Variants in GALNTL6 observed in about 807,000 individuals in gnomAD.
GALNTL6 encodes polypeptide N-acetylgalactosaminyltransferase like 6.
A neutral mutation model predicts 73.7 loss-of-function variants in GALNTL6; 46 were observed. The observed-to-expected ratio is 0.62, with a 90% CI of 0.49 to 0.80. GALNTL6 has a LOEUF of 0.80. Ranked by LOEUF, GALNTL6 falls within the 30% of genes least tolerant of loss-of-function variation. The probability of loss-of-function intolerance (pLI) is 0.00; values close to 1 mark genes in which losing one functional copy is unlikely to be tolerated. For missense variants in GALNTL6, 604 were observed against 755.0 expected (o/e 0.80, Z 2.34); for synonymous variants, 259 against 263.7 (o/e 0.98, Z 0.17).
chr4:172,835,408 C>T (rs1405916289), intron 7 of GALNTL6, among the ~76,000 whole-genome samples: 3 of 152,268 alleles, frequency 2.0e-5, no homozygotes, highest in South Asian at 2.1e-4. Flanking sequence ...TGAGCAGAGT[C>T]GCAGAGACAG....
intron 5 of GALNTL6, among the ~76,000 whole-genome samples, chr4:172,592,579 C>A (rs1579220914): frequency 6.6e-6 from 1 of 152,148 alleles, no homozygotes; most frequent in African/African-American, 2.4e-5. Context: ...TTTTAACAAA[C>A]TCCTTTGTTA....
At chr4:172,980,560 C>G (rs151226862) in intron 10 of GALNTL6, among the ~76,000 whole-genome samples, 1 of 152,064 alleles carries the variant, frequency 6.6e-6, no homozygotes, top group Non-Finnish European at 1.5e-5. Flanking sequence ...CAGGTTCTCG[C>G]GAGGGCTGTC....
In GALNTL6 at chr4:173,040,188, T is replaced by A. The variant is rs113167271; in HGVS notation, c.*88T>A. On this transcript the variant is annotated 3_prime_UTR_variant, in exon 13 of 13. Coordinates refer to ENST00000506823, the MANE Select transcript of GALNTL6 (RefSeq NM_001034845.3). Reference sequence around the variant, plus strand: ...GGGTCGAAGGAGTCAGGAATAACATTTCCTCGATCCAGGAAGGCTGGTTTA... The same window carrying A: ...GGGTCGAAGGAGTCAGGAATAACATATCCTCGATCCAGGAAGGCTGGTTTA... The A allele has an allele frequency of 1.8e-4, 181 of 1,008,082 alleles. No homozygotes were observed. The Middle Eastern group carries it at 3.0e-3, about 16-fold the overall frequency. 62.4% of individuals were successfully genotyped at this position (1,008,082 alleles called of 1,614,324 possible). A position where few individuals can be genotyped will look rare whatever the true frequency, so the allele number is the denominator to read the frequency against.
At chr4:172,655,059 A>G (rs1362572042) in intron 5 of GALNTL6, among the ~76,000 whole-genome samples, 5 of 152,200 alleles carry the variant, frequency 3.3e-5, no homozygotes, top group African/African-American at 1.2e-4. Context: ...TCATAATGCT[A>G]TGAGGATCAA....
intron 2 of GALNTL6, among the ~76,000 whole-genome samples, chr4:172,096,926 T>C (rs545751583): frequency 1.2e-4 from 19 of 152,208 alleles, no homozygotes; most frequent in Non-Finnish European, 2.8e-4. Flanking sequence ...TAAATGCCGG[T>C]ATGTAGAGGA....
intron 7 of GALNTL6, among the ~76,000 whole-genome samples, chr4:172,824,377 A>AGT (rs770886009): frequency 5.0e-4 from 40 of 80,220 alleles, no homozygotes; most frequent in African/African-American, 1.1e-3. Flanking sequence ...TGTGTGTGTG[A>AGT]GTGTGTGTGT....
intron 2 of GALNTL6, among the ~76,000 whole-genome samples, chr4:172,034,395 C>T (rs1253997845): frequency 4.3e-5 from 6 of 139,704 alleles, no homozygotes; most frequent in Admixed American, 7.3e-5. Context: ...GGGGAGCGTG[C>T]GTGCGTGTGT....
chr4:172,362,004 A>G (rs1317294486), intron 5 of GALNTL6, among the ~76,000 whole-genome samples: 1 of 152,308 alleles, frequency 6.6e-6, no homozygotes, highest in East Asian at 1.9e-4. Context: ...CTATAAAATT[A>G]TAGAATTGAA....
At chr4:172,487,291 T>TTTCC (rs1554029528) in intron 5 of GALNTL6, among the ~76,000 whole-genome samples, 5 of 78,134 alleles carry the variant, frequency 6.4e-5, no homozygotes, top group South Asian at 6.8e-4. Flanking sequence ...TCTTTCCTTC[T>TTTCC]TTCCTTCTGT....
At chr4:172,320,479 G>A (rs1018415085) in intron 4 of GALNTL6, among the ~76,000 whole-genome samples, 7 of 152,148 alleles carry the variant, frequency 4.6e-5, no homozygotes, top group Non-Finnish European at 1.0e-4. Flanking sequence ...TCAAACCTAA[G>A]GTCACGCTGA....
intron 2 of GALNTL6, among the ~76,000 whole-genome samples, chr4:171,943,557 T>C (rs777751645): frequency 6.6e-6 from 1 of 152,202 alleles, no homozygotes; most frequent in Non-Finnish European, 1.5e-5. Flanking sequence ...GATCTACTAG[T>C]AGACATGCTA....
rs377323277 is a variant in GALNTL6 at position 172,617,713 on chromosome 4, C to A, written c.554-191648C>A. 2.6e-5 allele frequency among the ~76,000 whole-genome samples: 4 copies of A among 152,116 alleles called. No homozygotes were observed. The East Asian group carries it at 7.8e-4, about 30-fold the overall frequency. On this transcript the variant is annotated intron_variant, in intron 5 of 12. Coordinates refer to ENST00000506823, the MANE Select transcript of GALNTL6 (RefSeq NM_001034845.3). ...AGCCAGGATGGTCTCAATCTCCTGA[C>A]CTCATGATCTACCCGCCTCGGCCTC...
At chr4:172,763,172 G>A (rs1360717897) in intron 5 of GALNTL6, among the ~76,000 whole-genome samples, 2 of 150,800 alleles carry the variant, frequency 1.3e-5, no homozygotes, top group Non-Finnish European at 2.9e-5. Flanking sequence ...AAAGACAGTC[G>A]AGAAGTACAT....
chr4:172,455,589 C>T (rs1262309149), intron 5 of GALNTL6, among the ~76,000 whole-genome samples: 4 of 152,118 alleles, frequency 2.6e-5, no homozygotes, highest in African/African-American at 4.8e-5. Flanking sequence ...ACAAAGCCAC[C>T]GGGAAGTTTG....
chr4:172,927,433 T>G (rs1748114590), intron 8 of GALNTL6, among the ~76,000 whole-genome samples: 1 of 152,170 alleles, frequency 6.6e-6, no homozygotes, highest in African/African-American at 2.4e-5. Flanking sequence ...TATCATGGAT[T>G]TAGAAATATG....
intron 5 of GALNTL6, among the ~76,000 whole-genome samples, chr4:172,705,030 T>C (rs1734246026): frequency 6.6e-6 from 1 of 151,968 alleles, no homozygotes; most frequent in Non-Finnish European, 1.5e-5. Flanking sequence ...TTTCAATTTA[T>C]ATAAAATATA....
chr4:172,612,081 A>G (rs970140958), intron 5 of GALNTL6, among the ~76,000 whole-genome samples: 4 of 152,126 alleles, frequency 2.6e-5, no homozygotes, highest in Admixed American at 2.0e-4. Context: ...AGGATAAATC[A>G]TAAAGGATAA....
chr4:171,832,810 G>T (rs985447069), intron 2 of GALNTL6, among the ~76,000 whole-genome samples: 1 of 151,574 alleles, frequency 6.6e-6, no homozygotes. Context: ...AGGTAAGTAG[G>T]TCTACACTAG....
At chr4:171,966,953 T>G (rs1468273132) in intron 2 of GALNTL6, among the ~76,000 whole-genome samples, 1 of 152,158 alleles carries the variant, frequency 6.6e-6, no homozygotes, top group Non-Finnish European at 1.5e-5. Context: ...TTAAGAAATT[T>G]TAAAACAATA....
Sources: gnomAD v4.1 joint callset for allele counts (sites outside exome capture counted in the v4.1 genomes callset) on GRCh38, gnomAD v4.1.1 for gene constraint, MANE v1.5 for transcripts, NCBI Gene and HGNC (gene_info 2026-07-23, HGNC 2026-07-21) for gene names.